The following FGF14 variants were observed in gnomAD, a reference collection of about 807,000 sequenced individuals.
The protein encoded by FGF14 is fibroblast growth factor 14.
In FGF14, 5 loss-of-function variants were observed where a neutral mutation model predicts 25.5. That is an observed-to-expected ratio of 0.20 (90% CI 0.10 to 0.41). FGF14 has a LOEUF of 0.41. Among genes scored for constraint, FGF14 ranks in the 10% least tolerant of loss-of-function variants. The pLI is 1.00. For synonymous variants in FGF14, 138 were observed against 118.3 expected, an observed-to-expected ratio of 1.17 and a Z score of -1.08; for missense variants, 222 against 320.1, an observed-to-expected ratio of 0.69 and a Z score of 2.34.
At chr13:101,781,216 A>G (rs902232345) in intron 3 of FGF14, among the ~76,000 whole-genome samples, 4 of 152,024 alleles carry the variant, frequency 2.6e-5, no homozygotes, top group African/African-American at 9.7e-5. Flanking sequence ...AGCCTTCCCA[A>G]ACTGATCTTG....
At chr13:101,986,148 T>C (rs1421979522) in intron 1 of FGF14, among the ~76,000 whole-genome samples, 2 of 152,130 alleles carry the variant, frequency 1.3e-5, no homozygotes, top group African/African-American at 2.4e-5. Context: ...ATTATAAGAT[T>C]AATAAACCAC....
At chr13:101,920,649 A>G (rs1348365254), upstream of FGF14, among the ~76,000 whole-genome samples, 8 of 152,138 alleles carry the variant, frequency 5.3e-5, no homozygotes, top group African/African-American at 1.9e-4. Context: ...ATATCAAAAT[A>G]TATGTATTCC....
chr13:101,765,612 G>C (rs2038331701), intron 3 of FGF14, among the ~76,000 whole-genome samples: 1 of 152,134 alleles, frequency 6.6e-6, no homozygotes, highest in Non-Finnish European at 1.5e-5. Flanking sequence ...TGTATTTCAT[G>C]CTACAGATTC....
chr13:102,320,015 T>A (rs530978082), intron 1 of FGF14, among the ~76,000 whole-genome samples: 1 of 152,268 alleles, frequency 6.6e-6, no homozygotes, highest in South Asian at 2.1e-4. Flanking sequence ...ACCATAGTAT[T>A]CCTGTGGAAA....
chr13:102,259,837 A>G (rs2052630471), intron 1 of FGF14, among the ~76,000 whole-genome samples: 1 of 152,242 alleles, frequency 6.6e-6, no homozygotes, highest in Non-Finnish European at 1.5e-5. Flanking sequence ...CTCTGATTCC[A>G]GTACTGTTTC....
intron 1 of FGF14, among the ~76,000 whole-genome samples, chr13:101,957,032 G>T (rs2036559859): frequency 6.6e-6 from 1 of 152,022 alleles, no homozygotes; most frequent in Non-Finnish European, 1.5e-5. Context: ...ATAATGTATA[G>T]AAATTTAATC....
chr13:102,074,366 T>C (rs979626794), intron 1 of FGF14, among the ~76,000 whole-genome samples: 1 of 152,170 alleles, frequency 6.6e-6, no homozygotes, highest in African/African-American at 2.4e-5. Flanking sequence ...GGGAAAAATA[T>C]CGTATTCTTT....
chr13:102,153,542 C>T (rs942411751), intron 1 of FGF14, among the ~76,000 whole-genome samples: 1 of 152,100 alleles, frequency 6.6e-6, no homozygotes, highest in Non-Finnish European at 1.5e-5. Flanking sequence ...AAATGAGATA[C>T]AGTACATGAA....
In FGF14 at chr13:102,396,407, C is replaced by T. The variant is rs188360348; in HGVS notation, c.208+5064G>A. Among the ~76,000 whole-genome samples the T allele has an allele frequency of 2.6e-5, 4 of 152,236 alleles. No individual in the cohort carries two copies. The East Asian group carries it at 5.8e-4, about 22-fold the overall frequency. ...AAATGCTTCCATTTTGAGACATCTA[C>T]GTGGTATTTATAGAAGGCGTATGAG... is the stretch of plus-strand genomic sequence containing the variant. On this transcript the variant is annotated intron_variant, in intron 1 of 4. Transcript: ENST00000376131.
chr13:102,287,605 T>C (rs1221936536), intron 1 of FGF14, among the ~76,000 whole-genome samples: 1 of 152,254 alleles, frequency 6.6e-6, no homozygotes, highest in African/African-American at 2.4e-5. Context: ...CCTTAGTTGA[T>C]CAAATTTCTA....
chr13:101,764,344 G>T (rs981442482), intron 3 of FGF14, among the ~76,000 whole-genome samples: 1 of 152,206 alleles, frequency 6.6e-6, no homozygotes, highest in African/African-American at 2.4e-5. Flanking sequence ...GATCAAGGTA[G>T]TAATGGGTGA....
chr13:102,184,720 C>T (rs2048810440), intron 1 of FGF14, among the ~76,000 whole-genome samples: 1 of 151,924 alleles, frequency 6.6e-6, no homozygotes, highest in Non-Finnish European at 1.5e-5. Flanking sequence ...CAGTGAAATA[C>T]ACGCACTCTG....
intron 1 of FGF14, among the ~76,000 whole-genome samples, chr13:101,910,337 G>A (rs1199011615): frequency 1.3e-5 from 2 of 152,088 alleles, no homozygotes; most frequent in African/African-American, 2.4e-5. Context: ...TATCTCAATT[G>A]TATTCTATGC....
intron 3 of FGF14, among the ~76,000 whole-genome samples, chr13:101,867,338 ACTCT>A (rs1460840335): frequency 6.6e-6 from 1 of 152,030 alleles, no homozygotes; most frequent in Non-Finnish European, 1.5e-5. Flanking sequence ...ATAAAAAGCA[ACTCT>A]CTCAGCAGCA....
At chr13:101,926,356 G>A (rs532224438) in intron 1 of FGF14, among the ~76,000 whole-genome samples, 31 of 152,264 alleles carry the variant, frequency 2.0e-4, no homozygotes, top group African/African-American at 6.5e-4. Context: ...CTGTTTACTC[G>A]ATTGAATCTC....
At chr13:102,020,951 G>A (rs575824006) in intron 1 of FGF14, among the ~76,000 whole-genome samples, 4 of 151,800 alleles carry the variant, frequency 2.6e-5, no homozygotes, top group East Asian at 1.9e-4. Flanking sequence ...GAATGGCCTC[G>A]CAGGGAAAAG....
At chr13:102,280,527 ATGTTTGATCATGTGGAAAAGGAGGTCAAT>A (rs1168693631) in intron 1 of FGF14, among the ~76,000 whole-genome samples, 3 of 152,170 alleles carry the variant, frequency 2.0e-5, no homozygotes, top group African/African-American at 4.8e-5. Flanking sequence ...ATGGAACAGG[ATGTTTGATCATGTGGAAAAGGAGGTCAAT>A]TTAAAAAATT....
intron 1 of FGF14, among the ~76,000 whole-genome samples, chr13:102,127,206 G>C (rs1055158732): frequency 1.9e-4 from 28 of 149,848 alleles, no homozygotes; most frequent in Middle Eastern, 3.4e-3. Flanking sequence ...TAAGTAAAAA[G>C]AGAGAAAAAA....
rs145887062 is a variant in FGF14 at position 102,322,100 on chromosome 13, C to A, written c.208+79371G>T. Among the ~76,000 whole-genome samples the A allele has an allele frequency of 1.2e-4, 19 of 152,286 alleles. No homozygotes were observed. In the East Asian group the frequency reaches 3.1e-3, roughly 25 times the overall value. ...TTCCAGCATTCACTGTAATGAAAAA[C>A]TAATGGGCTGGAGATTTGCCTTCTA... is the stretch of plus-strand genomic sequence containing the variant. On this transcript the variant is annotated intron_variant, in intron 1 of 4. Transcript: ENST00000376131.
Sources: gnomAD v4.1 joint callset for allele counts (sites outside exome capture counted in the v4.1 genomes callset) on GRCh38, gnomAD v4.1.1 for gene constraint, MANE v1.5 for transcripts, NCBI Gene and HGNC (gene_info 2026-07-23, HGNC 2026-07-21) for gene names.